The following NEURL1 variants were observed in gnomAD, a reference collection of about 807,000 sequenced individuals.
NEURL1 encodes E3 ubiquitin-protein ligase NEURL1.
A neutral mutation model predicts 41.2 loss-of-function variants in NEURL1; 26 were observed. That is an observed-to-expected ratio of 0.63 (90% confidence interval 0.46 to 0.87). NEURL1 has a LOEUF of 0.87. Ranked by LOEUF, NEURL1 falls within the 40% of genes least tolerant of loss-of-function variation. The probability of loss-of-function intolerance (pLI) is 0.00; values close to 1 mark genes in which losing one functional copy is unlikely to be tolerated. For missense variants in NEURL1, 761 were observed against 871.1 expected, an observed-to-expected ratio of 0.87 and a Z score of 1.59; for synonymous variants, 400 against 402.3, an observed-to-expected ratio of 0.99 and a Z score of 0.07.
intron 1 of NEURL1, among the ~76,000 whole-genome samples, chr10:103,549,471 C>T (rs2034990476): frequency 6.6e-6 from 1 of 152,230 alleles, no homozygotes; most frequent in Admixed American, 6.5e-5. Flanking sequence ...GAGGCAGCAG[C>T]CTCCACTCTT....
chr10:103,510,731 C>T (rs1422594991), intron 1 of NEURL1, among the ~76,000 whole-genome samples: 1 of 152,228 alleles, frequency 6.6e-6, no homozygotes, highest in African/African-American at 2.4e-5. Context: ...GACTGCCACC[C>T]ACACCCCTCC....
chr10:103,531,520 G>T (rs1251805616), intron 1 of NEURL1, among the ~76,000 whole-genome samples: 6 of 148,410 alleles, frequency 4.0e-5, no homozygotes, highest in African/African-American at 1.3e-4. Context: ...GATTACAGAT[G>T]TGAGCACCAT....
chr10:103,530,893 G>C (rs1407382220), intron 1 of NEURL1, among the ~76,000 whole-genome samples: 1 of 152,042 alleles, frequency 6.6e-6, no homozygotes, highest in East Asian at 1.9e-4. Context: ...CTAAAATGTG[G>C]TCTATCCTGG....
chr10:103,537,303 G>A (rs970945975), intron 1 of NEURL1, among the ~76,000 whole-genome samples: 15 of 152,146 alleles, frequency 9.9e-5, no homozygotes, highest in African/African-American at 3.6e-4. Context: ...GGAATTGCTG[G>A]ATCATATGGT....
At chr10:103,563,993 G>A (rs1431249054) in intron 1 of NEURL1, among the ~76,000 whole-genome samples, 3 of 152,204 alleles carry the variant, frequency 2.0e-5, no homozygotes, top group Admixed American at 2.0e-4. Flanking sequence ...CTCTTGGCTG[G>A]GGTGGTGAGC....
At chr10:103,534,014 G>C (rs1279795271) in intron 1 of NEURL1, among the ~76,000 whole-genome samples, 1 of 151,938 alleles carries the variant, frequency 6.6e-6, no homozygotes, top group African/African-American at 2.4e-5. Flanking sequence ...TCTTCTGCTT[G>C]ATCAAGCGCT....
intron 1 of NEURL1, among the ~76,000 whole-genome samples, chr10:103,538,728 C>T (rs1381842600): frequency 6.7e-6 from 1 of 149,306 alleles, no homozygotes; most frequent in Non-Finnish European, 1.5e-5. Context: ...CTCACTGCAA[C>T]CTCCGCCTCC....
At chr10:103,570,840 G>A (rs1476658047) in intron 1 of NEURL1, 32 bp from the exon 2 acceptor site, 2 of 1,597,530 alleles carry the variant, frequency 1.3e-6, no homozygotes, top group Non-Finnish European at 1.7e-6. Context: ...GACCCGCCAA[G>A]TTCTCTGACA....
At chr10:103,522,239 CT>C (rs2034365831) in intron 1 of NEURL1, among the ~76,000 whole-genome samples, 1 of 152,052 alleles carries the variant, frequency 6.6e-6, no homozygotes, top group African/African-American at 2.4e-5. Flanking sequence ...GATATGATGG[CT>C]TGGCTTGGGC....
chr10:103,570,037 G>T (rs1035919139), intron 1 of NEURL1, among the ~76,000 whole-genome samples: 5 of 152,206 alleles, frequency 3.3e-5, no homozygotes, highest in African/African-American at 1.2e-4. Flanking sequence ...AAAGGGTCTG[G>T]GGAGGCAGGC....
chr10:103,582,469 A>G (rs1221681893), intron 3 of NEURL1, among the ~76,000 whole-genome samples: 1 of 152,158 alleles, frequency 6.6e-6, no homozygotes, highest in African/African-American at 2.4e-5. Flanking sequence ...CTCCTCGCCA[A>G]CACGATTCCA....
At chr10:103,588,929 C>T (rs572033416) in intron 4 of NEURL1, 116 of 379,392 alleles carry the variant, frequency 3.1e-4, no homozygotes, top group Non-Finnish European at 5.3e-4. Flanking sequence ...CTGGCGACAG[C>T]GAGACTCCGT....
intron 4 of NEURL1, among the ~76,000 whole-genome samples, chr10:103,585,832 C>CAA (rs764619225): frequency 2.6e-4 from 24 of 91,442 alleles, no homozygotes; most frequent in South Asian, 3.9e-4. Flanking sequence ...GACTCCGTCT[C>CAA]AAAAAAAAAA....
intron 1 of NEURL1, among the ~76,000 whole-genome samples, chr10:103,546,879 G>T (rs1030544722): frequency 2.0e-5 from 3 of 152,222 alleles, no homozygotes; most frequent in Non-Finnish European, 2.9e-5. Context: ...GAAGCCCCCA[G>T]ATAGAACAGC....
At chr10:103,567,755 T>C (rs2035456551) in intron 1 of NEURL1, among the ~76,000 whole-genome samples, 1 of 152,182 alleles carries the variant, frequency 6.6e-6, no homozygotes, top group African/African-American at 2.4e-5. Flanking sequence ...TGGGTGTGGC[T>C]CTTACGTCCC....
rs2036053525 is a variant in NEURL1 at position 103,591,711 on chromosome 10, A to C, written c.*1339A>C. The stretch of plus-strand genomic sequence containing the variant: ...GGCTGATGGTCACCCAGAGCCATAG[A>C]GCACCCTTCCTCCTGGGCCAGAGCT... On this transcript the variant is annotated 3_prime_UTR_variant, in exon 6 of 6. Transcript: ENST00000369780. 6.6e-6 allele frequency: 1 copy of C among 152,164 alleles called. No individual in the cohort carries two copies. Among genetic ancestry groups the C allele is most frequent in the Non-Finnish European group, 1.5e-5 (1 of 68,036 alleles). 9.4% of individuals were successfully genotyped at this position (152,164 alleles called of 1,614,324 possible).
rs565319044 is a variant in NEURL1, at chr10:103,543,304, C to T, written c.86-27568C>T. ...GCGTGGCTTCTTGGCTCTTTCTGCT[C>T]GAGTGAGCACAGGCTAGTGCTGCCA... is the stretch of plus-strand genomic sequence containing the variant. On this transcript the variant is annotated intron_variant, in intron 1 of 5. Transcript: ENST00000369780. Among the ~76,000 whole-genome samples the T allele has an allele frequency of 6.6e-5, 10 of 152,316 alleles. No homozygotes were observed. The South Asian group carries it at 1.2e-3, about 19-fold the overall frequency.
At chr10:103,588,693 T>C (rs1255841861) in intron 4 of NEURL1, 1 of 429,530 alleles carries the variant, frequency 2.3e-6, no homozygotes, top group Admixed American at 2.5e-5. Context: ...ACCCCAGCAA[T>C]CCCAGCACTT....
At chr10:103,551,621 G>A (rs1186549170) in intron 1 of NEURL1, among the ~76,000 whole-genome samples, 1 of 152,066 alleles carries the variant, frequency 6.6e-6, no homozygotes, top group Admixed American at 6.5e-5. Flanking sequence ...AAATTTTATG[G>A]GATGCCCCAG....
Sources: gnomAD v4.1 joint callset for allele counts (sites outside exome capture counted in the v4.1 genomes callset) on GRCh38, gnomAD v4.1.1 for gene constraint, MANE v1.5 for transcripts, NCBI Gene and HGNC (gene_info 2026-07-23, HGNC 2026-07-21) for gene names.